The following ABI3BP variants were observed in gnomAD, a reference collection of about 807,000 sequenced individuals.
ABI3BP encodes the protein ABI family member 3 binding protein.
Under a neutral mutation model 268.6 loss-of-function variants are expected in ABI3BP, and 216 were observed. The observed-to-expected ratio is 0.80, with a 90% CI of 0.72 to 0.90. ABI3BP has a LOEUF of 0.90. Ranked by LOEUF, ABI3BP falls within the 40% of genes least tolerant of loss-of-function variation. The pLI is 0.00. For missense variants in ABI3BP, 2,090 were observed against 2,182.4 expected (o/e 0.96, Z 0.84); for synonymous variants, 730 against 730.0 (o/e 1.00, Z 0.00).
intron 1 of ABI3BP, among the ~76,000 whole-genome samples, chr3:100,963,566 C>T (rs1053658004): frequency 1.3e-5 from 2 of 152,184 alleles, no homozygotes; most frequent in African/African-American, 4.8e-5. Context: ...ACATATAGCT[C>T]ACGCTTAGGA....
At chr3:100,910,304 A>C (rs949140663) in intron 2 of ABI3BP, among the ~76,000 whole-genome samples, 2 of 152,068 alleles carry the variant, frequency 1.3e-5, no homozygotes, top group East Asian at 3.9e-4. Context: ...AAAATACCTA[A>C]TGTAGATGAT....
At chr3:100,983,342 A>G (rs1262368497) in intron 1 of ABI3BP, among the ~76,000 whole-genome samples, 2 of 152,232 alleles carry the variant, frequency 1.3e-5, no homozygotes, top group Admixed American at 6.5e-5. Flanking sequence ...AATCAGCTGG[A>G]ATATATAAAT....
In ABI3BP at chr3:100,835,643, C is replaced by G; in HGVS notation, c.2149G>C (p.Glu717Gln). Reference protein sequence around the residue: ...SMTIVPTTDIEPVTVRTEATV... With the variant: ...SMTIVPTTDIQPVTVRTEATV... ...GCCTCAGTTCTCACAGTTACAGGCTCAATGTCTGTGGTGGGAACTAACCAA... is the reference window on the plus strand; with the variant it reads ...GCCTCAGTTCTCACAGTTACAGGCTGAATGTCTGTGGTGGGAACTAACCAA... Residue 717 changes from glutamate to glutamine, a missense_variant, in exon 28 of 68, where the codon GAG becomes CAG. Transcript: ENST00000471714. 6.5e-7 allele frequency: 1 copy of G among 1,535,162 alleles called. No homozygotes were observed. The highest frequency in any genetic ancestry group is 2.4e-5 in the East Asian group (1 of 40,852).
intron 47 of ABI3BP, 149 bp from the exon 48 acceptor site, chr3:100,811,426 A>G: frequency 3.1e-6 from 2 of 651,178 alleles, no homozygotes; most frequent in Non-Finnish European, 5.1e-6. Flanking sequence ...TGGGAGAAAA[A>G]TCCTATTCTA....
At chr3:100,968,515 A>G (rs1344744699) in intron 1 of ABI3BP, among the ~76,000 whole-genome samples, 1 of 152,210 alleles carries the variant, frequency 6.6e-6, no homozygotes, top group Non-Finnish European at 1.5e-5. Flanking sequence ...CCATCTCACA[A>G]AATTAAAGGT....
chr3:100,860,666 A>G (rs547368296), intron 14 of ABI3BP, among the ~76,000 whole-genome samples: 1 of 152,292 alleles, frequency 6.6e-6, no homozygotes, highest in South Asian at 2.1e-4. Flanking sequence ...GCCAGGTATT[A>G]AAGTCTCGAA....
chr3:100,841,438 G>A (rs1024100094), intron 21 of ABI3BP, among the ~76,000 whole-genome samples: 1 of 151,854 alleles, frequency 6.6e-6, no homozygotes, highest in Admixed American at 6.6e-5. Flanking sequence ...AACAAGCTCA[G>A]GGCATATTCC....
chr3:100,807,398 A>G (rs1354838955), intron 50 of ABI3BP, among the ~76,000 whole-genome samples: 1 of 152,014 alleles, frequency 6.6e-6, no homozygotes, highest in African/African-American at 2.4e-5. Flanking sequence ...GTACCTTCAT[A>G]TATTTATTAT....
intron 6 of ABI3BP, among the ~76,000 whole-genome samples, chr3:100,879,293 C>T (rs948846078): frequency 5.3e-5 from 8 of 152,198 alleles, no homozygotes; most frequent in African/African-American, 1.9e-4. Context: ...GGCAAGAGAG[C>T]CACATTATTT....
In ABI3BP at chr3:100,811,711, ATTAAAACCT is replaced by A. The variant is rs2097864143; in HGVS notation, c.3493+8_3493+16del. On this transcript the variant is annotated splice_region_variant and intron_variant, in intron 47 of 67. Coordinates refer to ENST00000471714, the MANE Select transcript of ABI3BP (RefSeq NM_001375547.2). ...ATGTGTGGAATAAATGAATCAAAGC[ATTAAAACCT>A]TTGCTACCTTCAGTCTTTGGCTCCT... is the stretch of plus-strand genomic sequence containing the variant. 1 of 1,532,590 alleles carries A rather than the reference ATTAAAACCT, an allele frequency of 6.5e-7. No individual in the cohort carries two copies. The highest frequency in any genetic ancestry group is 8.7e-7 in the Non-Finnish European group (1 of 1,143,922). 94.9% of individuals were successfully genotyped at this position (1,532,590 alleles called of 1,614,324 possible). A position where few individuals can be genotyped will look rare whatever the true frequency, so the allele number is the denominator to read the frequency against.
intron 1 of ABI3BP, among the ~76,000 whole-genome samples, chr3:100,938,955 GTGCCTGTGCAT>G (rs2067574348): frequency 6.6e-6 from 1 of 152,116 alleles, no homozygotes; most frequent in African/African-American, 2.4e-5. Context: ...GCATGCACAT[GTGCCTGTGCAT>G]GCATGTGTGT....
chr3:100,788,654 TAGA>T (rs966491507), intron 56 of ABI3BP, among the ~76,000 whole-genome samples: 2 of 152,154 alleles, frequency 1.3e-5, no homozygotes, highest in African/African-American at 2.4e-5. Flanking sequence ...CACATGGTTA[TAGA>T]AGATTTCTGT....
rs1249133480 is a variant in ABI3BP, at chr3:100,822,641, T to G, written c.2835A>C (p.Pro945=). 3 of 1,536,530 alleles carry G rather than the reference T, an allele frequency of 2.0e-6. No individual in the cohort carries two copies. Among genetic ancestry groups the G allele is most frequent in the Non-Finnish European group, 2.6e-6 (3 of 1,146,990 alleles). ...GTGGTGTGGTTTTTGTTCTGAGACG[T>G]GGACGACGTGTCCGTTGTGATGTTT... ...ASKTSQRTRR[P]RLRTKTTPRP... is the part of the protein sequence containing the mutation. The change falls in exon 38 of 68, where the codon CCA becomes CCC. Residue 945 remains proline (P), a synonymous_variant. Coordinates refer to ENST00000471714, the MANE Select transcript of ABI3BP (RefSeq NM_001375547.2).
At chr3:100,759,001 C>T (rs1490829639) in intron 63 of ABI3BP, among the ~76,000 whole-genome samples, 3 of 152,156 alleles carry the variant, frequency 2.0e-5, no homozygotes, top group African/African-American at 7.2e-5. Flanking sequence ...ATAATCTTTT[C>T]CTTCTATTTT....
intron 62 of ABI3BP, among the ~76,000 whole-genome samples, chr3:100,768,499 T>C (rs969217118): frequency 6.6e-6 from 1 of 152,222 alleles, no homozygotes; most frequent in African/African-American, 2.4e-5. Flanking sequence ...AATTTCAGAA[T>C]TGTAGCTTTT....
intron 1 of ABI3BP, among the ~76,000 whole-genome samples, chr3:100,946,324 C>T (rs1343162914): frequency 1.4e-5 from 2 of 144,110 alleles, no homozygotes; most frequent in African/African-American, 2.6e-5. Flanking sequence ...TGAGCCAAAT[C>T]ATGCCACACA....
At chr3:100,988,156 A>G (rs1057031042) in intron 1 of ABI3BP, among the ~76,000 whole-genome samples, 2 of 152,162 alleles carry the variant, frequency 1.3e-5, no homozygotes, top group Non-Finnish European at 2.9e-5. Context: ...GCAGCCTCCC[A>G]TAAGCATCAA....
At chr3:100,951,543 A>G (rs1359570136) in intron 1 of ABI3BP, among the ~76,000 whole-genome samples, 1 of 151,920 alleles carries the variant, frequency 6.6e-6, no homozygotes, top group Non-Finnish European at 1.5e-5. Context: ...AGCTTTGTGA[A>G]CCACTGACAC....
At chr3:100,767,290 T>C (rs528986428) in intron 62 of ABI3BP, among the ~76,000 whole-genome samples, 73 of 152,242 alleles carry the variant, frequency 4.8e-4, no homozygotes, top group African/African-American at 1.6e-3. Context: ...AGGAGGATGA[T>C]TTTTTCTGAA....
Sources: allele counts gnomAD v4.1 joint callset (sites outside exome capture counted in the v4.1 genomes callset), GRCh38; gene constraint gnomAD v4.1.1; transcripts MANE v1.5; gene names NCBI Gene and HGNC (gene_info 2026-07-23, HGNC 2026-07-21).